The following FOXP1 variants were observed in gnomAD, a reference collection of about 807,000 sequenced individuals.
FOXP1 encodes forkhead box protein P1.
In FOXP1, 15 loss-of-function variants were observed where a neutral mutation model predicts 98.2. That is an observed-to-expected ratio of 0.15 (90% CI 0.10 to 0.24). The LOEUF (loss-of-function observed/expected upper bound fraction) is 0.24, where lower values mean the gene tolerates loss of function less well. Among genes scored for constraint, FOXP1 ranks in the 10% least tolerant of loss-of-function variants. FOXP1 has a pLI of 1.00. For missense variants in FOXP1, 633 were observed against 848.5 expected, an observed-to-expected ratio of 0.75 and a Z score of 3.15; for synonymous variants, 371 against 314.5, an observed-to-expected ratio of 1.18 and a Z score of -1.90.
At chr3:71,528,144 G>T (rs1268029403) in intron 2 of FOXP1, among the ~76,000 whole-genome samples, 1 of 152,110 alleles carries the variant, frequency 6.6e-6, no homozygotes, top group African/African-American at 2.4e-5. Flanking sequence ...GTTTCTTCTT[G>T]GTTCTCTTTA....
At chr3:70,998,755 G>C (rs1483630535) in intron 13 of FOXP1, among the ~76,000 whole-genome samples, 7 of 152,098 alleles carry the variant, frequency 4.6e-5, no homozygotes, top group Non-Finnish European at 1.0e-4. Flanking sequence ...ACTACTTCTA[G>C]GCCACACCCA....
chr3:71,261,407 TAA>T (rs534006665), intron 5 of FOXP1, among the ~76,000 whole-genome samples: 1 of 149,372 alleles, frequency 6.7e-6, no homozygotes, highest in African/African-American at 2.5e-5. Context: ...TATTTAAATT[TAA>T]AAAAAAAACA....
intron 6 of FOXP1, among the ~76,000 whole-genome samples, chr3:71,137,788 AT>A (rs750932200): frequency 8.4e-4 from 30 of 35,504 alleles, no homozygotes; most frequent in Non-Finnish European, 7.3e-3. Flanking sequence ...TTATTTATTT[AT>A]TTATTATTAT....
At chr3:71,154,987 G>GA (rs1452381509) in intron 6 of FOXP1, among the ~76,000 whole-genome samples, 2 of 152,102 alleles carry the variant, frequency 1.3e-5, no homozygotes, top group African/African-American at 2.4e-5. Context: ...TAATATTACT[G>GA]AAAAAATCAC....
chr3:71,026,635 TG>T (rs2046151346), intron 11 of FOXP1, among the ~76,000 whole-genome samples: 1 of 152,222 alleles, frequency 6.6e-6, no homozygotes, highest in South Asian at 2.1e-4. Flanking sequence ...GCTTTACCAA[TG>T]GTAAGAACCT....
At chr3:70,966,265 CA>C (rs1435279047) in intron 19 of FOXP1, 29 of 588,280 alleles carry the variant, frequency 4.9e-5, no homozygotes, top group South Asian at 1.8e-4. Flanking sequence ...AACTGGGGGC[CA>C]GGGGGGACCA....
intron 20 of FOXP1, among the ~76,000 whole-genome samples, chr3:70,962,674 C>CCAAATCAACATTTTCCTACTTT (rs2033822110): frequency 6.6e-6 from 1 of 152,110 alleles, no homozygotes; most frequent in Non-Finnish European, 1.5e-5. Context: ...ATGTTGTTTT[C>CCAAATCAACATTTTCCTACTTT]CAAATCAACA....
chr3:71,167,954 T>C (rs1462009004), intron 6 of FOXP1, among the ~76,000 whole-genome samples: 2 of 152,224 alleles, frequency 1.3e-5, no homozygotes, highest in African/African-American at 2.4e-5. Flanking sequence ...AGATAAAGCA[T>C]GTCCAAACTG....
intron 5 of FOXP1, among the ~76,000 whole-genome samples, chr3:71,269,546 C>T (rs998477553): frequency 2.6e-5 from 4 of 152,108 alleles, no homozygotes; most frequent in Admixed American, 6.5e-5. Flanking sequence ...TAAACATTTA[C>T]GAATTCCATC....
At chr3:71,420,741 C>T (rs1042809687) in intron 3 of FOXP1, among the ~76,000 whole-genome samples, 2 of 151,276 alleles carry the variant, frequency 1.3e-5, no homozygotes, top group African/African-American at 4.9e-5. Flanking sequence ...GGGTCTCACT[C>T]TGTCACCCAG....
At chr3:71,459,325 T>A (rs2108529345) in intron 3 of FOXP1, among the ~76,000 whole-genome samples, 1 of 152,356 alleles carries the variant, frequency 6.6e-6, no homozygotes, top group East Asian at 1.9e-4. Flanking sequence ...TAACATATTG[T>A]CCTGACAGAT....
intron 9 of FOXP1, among the ~76,000 whole-genome samples, chr3:71,050,533 G>A (rs2049741525): frequency 6.6e-6 from 1 of 152,196 alleles, no homozygotes; most frequent in Admixed American, 6.5e-5. Flanking sequence ...GTTATTGCCT[G>A]CAAGCCACAG....
In FOXP1 at chr3:71,233,269, A is replaced by G. The variant is rs1390699919; in HGVS notation, c.-11-34877T>C. 9.5e-4 allele frequency among the ~76,000 whole-genome samples: 116 copies of G among 121,946 alleles called. No homozygotes were observed. In the Middle Eastern group the frequency reaches 0.011, roughly 12 times the overall value. The allele number at this position is 121,946 out of a possible 152,430, so 80.0% of individuals were successfully genotyped here. On this transcript the variant is annotated intron_variant, in intron 5 of 20. Transcript: ENST00000649528. ...GGGAGAGGAGGGAAGGGGAGGAGAG[A>G]GGAGGGGAGGGAAGGGAAATGGTTT...
intron 4 of FOXP1, among the ~76,000 whole-genome samples, chr3:71,316,644 C>T (rs1344522864): frequency 3.3e-5 from 5 of 151,712 alleles, no homozygotes; most frequent in African/African-American, 9.7e-5. Context: ...TCAACAGAAT[C>T]TTCTTAGGGC....
At chr3:71,446,759 G>C (rs72961215) in intron 3 of FOXP1, among the ~76,000 whole-genome samples, 5,074 of 152,328 alleles carry the variant, frequency 0.033, 267 homozygotes, top group African/African-American at 0.11. Flanking sequence ...CTTCCAGCAG[G>C]TTTAAATCAT....
chr3:71,198,454 A>G, intron 5 of FOXP1, 62 bp from the exon 6 acceptor site: 1 of 1,394,062 alleles, frequency 7.2e-7, no homozygotes, highest in Non-Finnish European at 1.0e-6. Flanking sequence ...GCAGCTGTTA[A>G]AGCAGTTGTT....
At chr3:70,972,434 T>C in intron 18 of FOXP1, 121 bp downstream of exon 18, 1 of 1,438,816 alleles carries the variant, frequency 7.0e-7, no homozygotes. Flanking sequence ...TTTGCTTCCC[T>C]TAACTGAGAC....
intron 3 of FOXP1, among the ~76,000 whole-genome samples, chr3:71,460,815 A>G (rs2088011386): frequency 6.6e-6 from 1 of 152,218 alleles, no homozygotes; most frequent in Non-Finnish European, 1.5e-5. Flanking sequence ...AGAATTCATC[A>G]TTCTGAGTGG....
intron 2 of FOXP1, among the ~76,000 whole-genome samples, chr3:71,577,190 CAAAG>C (rs1282032335): frequency 6.6e-6 from 1 of 152,148 alleles, no homozygotes; most frequent in African/African-American, 2.4e-5. Context: ...ATTAAAGAAA[CAAAG>C]AACACTGTCT....
Sources: allele counts gnomAD v4.1 joint callset (sites outside exome capture counted in the v4.1 genomes callset), GRCh38; gene constraint gnomAD v4.1.1; transcripts MANE v1.5; gene names NCBI Gene and HGNC (gene_info 2026-07-23, HGNC 2026-07-21).